PDE8A: variants seen among roughly 807,000 people sequenced by gnomAD.
PDE8A encodes the protein phosphodiesterase 8A.
In PDE8A, 59 loss-of-function variants were observed where a neutral mutation model predicts 105.0. That is an observed-to-expected ratio of 0.56 (90% CI 0.46 to 0.70). The LOEUF (loss-of-function observed/expected upper bound fraction) is 0.70. Ranked by LOEUF, PDE8A falls within the 30% of genes least tolerant of loss-of-function variation. The probability of loss-of-function intolerance (pLI) is 0.00; values close to 1 mark genes in which losing one functional copy is unlikely to be tolerated. For missense variants in PDE8A, 1,014 were observed against 1,045.9 expected, an observed-to-expected ratio of 0.97 and a Z score of 0.42; for synonymous variants, 355 against 371.9, an observed-to-expected ratio of 0.95 and a Z score of 0.52.
chr15:85,071,498 G>A (rs916639226), intron 3 of PDE8A, among the ~76,000 whole-genome samples: 4 of 152,226 alleles, frequency 2.6e-5, no homozygotes, highest in Non-Finnish European at 5.9e-5. Flanking sequence ...GGAACCTGAA[G>A]ACAGTTCTCC....
At chr15:85,125,330 A>G (rs998734466) in intron 19 of PDE8A, among the ~76,000 whole-genome samples, 1 of 152,214 alleles carries the variant, frequency 6.6e-6, no homozygotes, top group African/African-American at 2.4e-5. Context: ...CAGACTGAGG[A>G]GACCTGCTTG....
At chr15:85,003,591 A>G (rs2080100013) in intron 1 of PDE8A, among the ~76,000 whole-genome samples, 1 of 152,228 alleles carries the variant, frequency 6.6e-6, no homozygotes, top group South Asian at 2.1e-4. Context: ...ATAAGAATTA[A>G]TACTACTTTT....
At chr15:85,031,811 C>CT (rs1248012797) in intron 1 of PDE8A, among the ~76,000 whole-genome samples, 25 of 152,142 alleles carry the variant, frequency 1.6e-4, no homozygotes, top group African/African-American at 5.8e-4. Context: ...TCGCTAGAGG[C>CT]TGATTACTGG....
At chr15:84,997,799 T>G (rs900536452) in intron 1 of PDE8A, among the ~76,000 whole-genome samples, 1 of 152,116 alleles carries the variant, frequency 6.6e-6, no homozygotes, top group African/African-American at 2.4e-5. Context: ...TTCTCCATGT[T>G]GGTCAGGCTG....
intron 1 of PDE8A, among the ~76,000 whole-genome samples, chr15:85,005,803 A>T (rs1040362323): frequency 6.6e-6 from 1 of 152,144 alleles, no homozygotes; most frequent in Admixed American, 6.5e-5. Context: ...AAAAGAGTTT[A>T]AGTAACTTAA....
At chr15:85,131,107 C>A (rs914363553) in intron 20 of PDE8A, among the ~76,000 whole-genome samples, 1 of 152,180 alleles carries the variant, frequency 6.6e-6, no homozygotes, top group Non-Finnish European at 1.5e-5. Context: ...ATACCCACCC[C>A]AGCTCTCTCT....
intron 1 of PDE8A, among the ~76,000 whole-genome samples, chr15:85,046,035 A>T: frequency 6.7e-6 from 1 of 149,352 alleles, no homozygotes; most frequent in African/African-American, 2.5e-5. Context: ...CCTAGGACTT[A>T]GGCTCTTCGT....
At chr15:84,998,960 A>G (rs901571919) in intron 1 of PDE8A, among the ~76,000 whole-genome samples, 2 of 152,120 alleles carry the variant, frequency 1.3e-5, no homozygotes, top group African/African-American at 2.4e-5. Context: ...TCCATTAGAC[A>G]CTAATCTCTA....
At chr15:85,009,290 A>G (rs527733959) in intron 1 of PDE8A, among the ~76,000 whole-genome samples, 4 of 152,194 alleles carry the variant, frequency 2.6e-5, no homozygotes, top group Admixed American at 2.0e-4. Context: ...AAGAGATGTA[A>G]AAACTAAAGT....
At chr15:85,063,681 A>G (rs1416912809) in intron 1 of PDE8A, 1 of 152,200 alleles carries the variant, frequency 6.6e-6, no homozygotes, top group African/African-American at 2.4e-5. Context: ...CCACATTACT[A>G]TCAGATTCAG....
At chr15:85,016,329 T>C (rs1292598811) in intron 1 of PDE8A, among the ~76,000 whole-genome samples, 3 of 152,224 alleles carry the variant, frequency 2.0e-5, no homozygotes, top group Admixed American at 1.3e-4. Flanking sequence ...CATTTAAATC[T>C]TCAATCCATT....
In PDE8A at chr15:85,070,838, G is replaced by A. The variant is rs1004407761; in HGVS notation, c.434+3634G>A. On this transcript the variant is annotated intron_variant, in intron 3 of 21. Coordinates refer to ENST00000394553, the MANE Select transcript of PDE8A (RefSeq NM_002605.3). ...GTTGAGCAGGATAGAAAAATAACTT[G>A]GCTGCCAAGTGGAGAATGGAGTAGA... Among the ~76,000 whole-genome samples the A allele has an allele frequency of 1.6e-4, 24 of 152,144 alleles. 1 individual carries two copies.
At chr15:85,092,036 A>G (rs539007136) in intron 8 of PDE8A, among the ~76,000 whole-genome samples, 15 of 150,800 alleles carry the variant, frequency 9.9e-5, no homozygotes, top group African/African-American at 2.9e-4. Flanking sequence ...TGTCTCCCCT[A>G]TGGCATTTGG....
intron 1 of PDE8A, among the ~76,000 whole-genome samples, chr15:85,001,034 A>G (rs1484393641): frequency 1.3e-5 from 2 of 151,834 alleles, no homozygotes; most frequent in Non-Finnish European, 2.9e-5. Context: ...CCTGTCTAAC[A>G]CCCCCTGTAA....
At chr15:85,094,455 A>C (rs2081706290) in intron 8 of PDE8A, among the ~76,000 whole-genome samples, 1 of 152,144 alleles carries the variant, frequency 6.6e-6, no homozygotes, top group African/African-American at 2.4e-5. Flanking sequence ...TTGTTGAAGT[A>C]TCTTTTCTGC....
At chr15:85,109,998 A>G (rs1389868693) in intron 12 of PDE8A, among the ~76,000 whole-genome samples, 2 of 152,212 alleles carry the variant, frequency 1.3e-5, no homozygotes, top group Admixed American at 1.3e-4. Flanking sequence ...CTCTCTGTGT[A>G]GCCTTGAGGG....
intron 8 of PDE8A, among the ~76,000 whole-genome samples, chr15:85,091,901 CTTTTTTTTTT>C (rs563631633): frequency 2.3e-5 from 2 of 88,390 alleles, no homozygotes; most frequent in Non-Finnish European, 4.3e-5. Flanking sequence ...TTCTGCTGGA[CTTTTTTTTTT>C]TTTTTTTTTT....
In PDE8A at chr15:85,028,124, A is replaced by G. The variant is rs570851932; in HGVS notation, c.187-36246A>G. On this transcript the variant is annotated intron_variant, in intron 1 of 21. Transcript: ENST00000394553. ...AAAATTTTTTAAAAATCTTTTTTGA[A>G]TATATATGTACATGGTACACAATGT... Among the ~76,000 whole-genome samples, 4 of 152,320 alleles carry G rather than the reference A, an allele frequency of 2.6e-5. No homozygotes were observed. The South Asian group carries it at 8.3e-4, about 32-fold the overall frequency.
rs144013974 is a variant in PDE8A, at chr15:85,002,570, G to A, written c.186+20222G>A. ...CATAGGCATGGTTGATTAAATCATC[G>A]GCCATTGGTTATCAGCTCAACTCTC... is the stretch of plus-strand genomic sequence containing the variant. On this transcript the variant is annotated intron_variant, in intron 1 of 21. Coordinates refer to ENST00000394553, the MANE Select transcript of PDE8A (RefSeq NM_002605.3). 2.8e-3 allele frequency among the ~76,000 whole-genome samples: 428 copies of A among 152,280 alleles called. 3 individuals carry two copies. Among genetic ancestry groups the A allele is most frequent in the Admixed American group, 5.8e-3 (89 of 15,298 alleles).
Sources: gnomAD v4.1 joint callset for allele counts (sites outside exome capture counted in the v4.1 genomes callset) on GRCh38, gnomAD v4.1.1 for gene constraint, MANE v1.5 for transcripts, NCBI Gene and HGNC (gene_info 2026-07-23, HGNC 2026-07-21) for gene names.